TTI2: variants seen among roughly 807,000 people sequenced by gnomAD.
TTI2 encodes the protein TELO2 interacting protein 2.
Under a neutral mutation model 44.9 loss-of-function variants are expected in TTI2, and 26 were observed. The observed-to-expected ratio is 0.58, with a 90% CI of 0.42 to 0.80. The LOEUF is 0.80. Among genes scored for constraint, TTI2 ranks in the 30% least tolerant of loss-of-function variants. The probability of loss-of-function intolerance (pLI) is 0.00; values close to 1 mark genes in which losing one functional copy is unlikely to be tolerated. For missense variants in TTI2, 582 were observed against 611.6 expected, an observed-to-expected ratio of 0.95 and a Z score of 0.51; for synonymous variants, 254 against 250.9, an observed-to-expected ratio of 1.01 and a Z score of -0.12.
intron 4 of TTI2, among the ~76,000 whole-genome samples, chr8:33,506,897 G>A (rs1228962688): frequency 6.6e-6 from 1 of 151,400 alleles, no homozygotes; most frequent in Non-Finnish European, 1.5e-5. Flanking sequence ...GTTTTGGCAT[G>A]TCAGCCAGGC....
At chr8:33,501,488 A>G (rs1056803886) in intron 6 of TTI2, among the ~76,000 whole-genome samples, 5 of 152,096 alleles carry the variant, frequency 3.3e-5, no homozygotes, top group African/African-American at 9.7e-5. Context: ...AGACCTGACA[A>G]TCTGATTCGA....
chr8:33,508,042 C>T (rs1249072169), intron 3 of TTI2, among the ~76,000 whole-genome samples: 2 of 111,284 alleles, frequency 1.8e-5, no homozygotes, highest in African/African-American at 7.0e-5. Flanking sequence ...TTTCTTTGTC[C>T]TGTCATTTTT....
At chr8:33,511,075 C>T (rs957628277) in intron 2 of TTI2, among the ~76,000 whole-genome samples, 1 of 152,140 alleles carries the variant, frequency 6.6e-6, no homozygotes. Flanking sequence ...CGATGTCTTG[C>T]TCTGTTGCCC....
chr8:33,505,593 A>C (rs900132566), intron 4 of TTI2, among the ~76,000 whole-genome samples: 4 of 150,948 alleles, frequency 2.6e-5, no homozygotes, highest in African/African-American at 9.7e-5. Context: ...GGGTTCAAGC[A>C]ATTTTCCTGC....
intron 6 of TTI2, chr8:33,500,717 C>T: frequency 2.0e-6 from 1 of 495,776 alleles, no homozygotes; most frequent in Non-Finnish European, 3.6e-6. Flanking sequence ...CCCTCTGCCA[C>T]ACTGCTCTCT....
At chr8:33,502,630 C>T (rs898124584) in intron 6 of TTI2, among the ~76,000 whole-genome samples, 2 of 152,030 alleles carry the variant, frequency 1.3e-5, no homozygotes, top group African/African-American at 4.8e-5. Flanking sequence ...CGAGACCAGC[C>T]TGGCCAACAT....
intron 5 of TTI2, 84 bp downstream of exon 5, chr8:33,503,664 G>A: frequency 1.2e-6 from 2 of 1,608,440 alleles, no homozygotes. Flanking sequence ...GATTGCTTGA[G>A]GCCAGGAGCT....
chr8:33,511,953 GCAGGAGTACTC>G lies in TTI2; in HGVS notation c.647+3_647+13del. The G allele has an allele frequency of 1.2e-6, 2 of 1,613,994 alleles. No homozygotes were observed. The highest frequency in any genetic ancestry group is 1.7e-6 in the Non-Finnish European group (2 of 1,179,890). Reference sequence around the variant, plus strand: ...GTGAGGCTCAAGTCGGTGGCAAAGGGCAGGAGTACTCACTTATACAAGTCGGGTTTGAGAAG... The same window carrying G: ...GTGAGGCTCAAGTCGGTGGCAAAGGGACTTATACAAGTCGGGTTTGAGAAG... On this transcript the variant is annotated splice_donor_5th_base_variant and intron_variant, in intron 2 of 7. Coordinates refer to ENST00000431156, the MANE Select transcript of TTI2 (RefSeq NM_001102401.4).
intron 5 of TTI2, 46 bp from the exon 6 acceptor site, chr8:33,503,618 C>G (rs758237281): frequency 1.5e-5 from 24 of 1,611,400 alleles, no homozygotes; most frequent in Non-Finnish European, 2.0e-5. Context: ...TGGCTCATGC[C>G]TGTAATCCCA....
At chr8:33,502,536 G>A (rs1443991772) in intron 6 of TTI2, among the ~76,000 whole-genome samples, 2 of 151,590 alleles carry the variant, frequency 1.3e-5, no homozygotes, top group Non-Finnish European at 2.9e-5. Flanking sequence ...CCATTCTTAA[G>A]ATATATAGCC....
At position 33,503,401 on chromosome 8, in the gene TTI2, G is replaced by A. The variant is rs753615989; in HGVS notation, c.1259+28C>T. On this transcript the variant is annotated intron_variant, in intron 6 of 7. Transcript: ENST00000431156. ...GCAAGTTCTCAAGAGAAAATCGGCT[G>A]AGTTTTGCACCTTAAGGCTGCTATT... is the stretch of plus-strand genomic sequence containing the variant. The A allele has an allele frequency of 2.5e-6, 4 of 1,614,032 alleles. No individual in the cohort carries two copies. In the South Asian group the frequency reaches 3.3e-5, roughly 13 times the overall value.
intron 3 of TTI2, among the ~76,000 whole-genome samples, chr8:33,508,804 T>A (rs866512647): frequency 1.3e-5 from 2 of 151,982 alleles, no homozygotes; most frequent in African/African-American, 4.8e-5. Context: ...TTGGATATAG[T>A]CCCTTTCAGG....
chr8:33,510,887 AG>A (rs1454917822), intron 2 of TTI2, among the ~76,000 whole-genome samples: 1 of 152,174 alleles, frequency 6.6e-6, no homozygotes, highest in Non-Finnish European at 1.5e-5. Context: ...TTCAGCTAAC[AG>A]TAATCTAAAG....
chr8:33,500,055 CATA>C, intron 7 of TTI2: 1 of 282,534 alleles, frequency 3.5e-6, no homozygotes, highest in Non-Finnish European at 6.7e-6. Flanking sequence ...AACTTTTGAT[CATA>C]ATGCTTTTGC....
rs78086946 is a variant in TTI2, at chr8:33,509,735, A to C, written c.834+11T>G. 2.3e-3 allele frequency: 3,722 copies of C among 1,613,760 alleles called. 84 individuals are homozygous for C. The African/African-American group carries it at 0.043, about 19-fold the overall frequency. On this transcript the variant is annotated intron_variant, in intron 3 of 7. Transcript: ENST00000431156. ...CCTGTCAACACAGATGACAAGCCAG[A>C]GGTTGCTTACCACATTAAGCACAAT... is the stretch of plus-strand genomic sequence containing the variant.
rs1359905354 is a variant in TTI2 at position 33,503,740 on chromosome 8, G to A, written c.1115+8C>T. The A allele has an allele frequency of 6.2e-7, 1 of 1,612,930 alleles. No individual in the cohort carries two copies. The highest frequency in any genetic ancestry group is 2.2e-5 in the East Asian group (1 of 44,880). On this transcript the variant is annotated splice_region_variant and intron_variant, in intron 5 of 7. Coordinates refer to ENST00000431156, the MANE Select transcript of TTI2 (RefSeq NM_001102401.4). ...AAAATAATAATAAATAAAAGCCCAG[G>A]GCCTCACCTGTTCACGAAAGCCGGC...
chr8:33,509,977 A>T, intron 2 of TTI2, 45 bp from the exon 3 acceptor site: 6 of 675,924 alleles, frequency 8.9e-6, no homozygotes, highest in Non-Finnish European at 1.4e-5. Context: ...GGTGATAAGT[A>T]GCAAAAAAAA....
intron 7 of TTI2, chr8:33,499,525 G>A (rs1808986148): frequency 5.0e-6 from 2 of 398,768 alleles, no homozygotes; most frequent in African/African-American, 4.1e-5. Context: ...GCTGGCTCAT[G>A]AAACAGCAGA....
rs747937354 is a variant in TTI2, at chr8:33,499,275, A to T, written c.1425T>A (p.Gly475=). Reference sequence around the variant, plus strand: ...AGCTTTGGGGAATTTTGGCCAGGAGACCCTGAAACATGAAACCAAACAGGC... The same window carrying T: ...AGCTTTGGGGAATTTTGGCCAGGAGTCCCTGAAACATGAAACCAAACAGGC... ...LDRCSQGRVK[G]LLAKIPQSCE... Residue 475 remains glycine (G), a splice_region_variant and synonymous_variant, in exon 8 of 8, where the codon GGT becomes GGA. Coordinates refer to ENST00000431156, the MANE Select transcript of TTI2 (RefSeq NM_001102401.4). 2.5e-6 allele frequency: 4 copies of T among 1,609,950 alleles called. No homozygotes were observed. Among genetic ancestry groups the T allele is most frequent in the Non-Finnish European group, 3.4e-6 (4 of 1,177,676 alleles).
Sources: gnomAD v4.1 joint callset for allele counts (sites outside exome capture counted in the v4.1 genomes callset) on GRCh38, gnomAD v4.1.1 for gene constraint, MANE v1.5 for transcripts, NCBI Gene and HGNC (gene_info 2026-07-23, HGNC 2026-07-21) for gene names.